The following DDX10 variants were observed in gnomAD, a reference collection of about 807,000 sequenced individuals.
DDX10 encodes the protein probable ATP-dependent RNA helicase DDX10.
Under a neutral mutation model 104.3 loss-of-function variants are expected in DDX10, and 74 were observed. That is an observed-to-expected ratio of 0.71 (90% CI 0.59 to 0.86). DDX10 has a LOEUF of 0.86. Among genes scored for constraint, DDX10 ranks in the 40% least tolerant of loss-of-function variants. The pLI, the probability that DDX10 is intolerant of heterozygous loss-of-function variation, is 0.00. For synonymous variants in DDX10, 351 were observed against 353.4 expected, an observed-to-expected ratio of 0.99 and a Z score of 0.08; for missense variants, 952 against 1,040.0, an observed-to-expected ratio of 0.92 and a Z score of 1.16.
At chr11:108,763,275 C>T (rs908006637) in intron 13 of DDX10, among the ~76,000 whole-genome samples, 14 of 152,100 alleles carry the variant, frequency 9.2e-5, no homozygotes, top group African/African-American at 2.9e-4. Context: ...AGCAGGATGC[C>T]ATTGCTGTCT....
At chr11:108,878,530 A>G (rs1863182800) in intron 16 of DDX10, among the ~76,000 whole-genome samples, 1 of 152,114 alleles carries the variant, frequency 6.6e-6, no homozygotes, top group Non-Finnish European at 1.5e-5. Flanking sequence ...TCCTTTTGAA[A>G]TTAAATTATG....
chr11:108,806,275 T>A (rs529902325), intron 13 of DDX10, among the ~76,000 whole-genome samples: 1 of 152,278 alleles, frequency 6.6e-6, no homozygotes, highest in African/African-American at 2.4e-5. Flanking sequence ...AACTTTTCTA[T>A]TAAGAGCAAT....
At chr11:108,905,499 A>G (rs1293542540) in intron 16 of DDX10, among the ~76,000 whole-genome samples, 1 of 151,970 alleles carries the variant, frequency 6.6e-6, no homozygotes, top group Non-Finnish European at 1.5e-5. Context: ...TTTGTGGTTC[A>G]CTTCTATGGG....
intron 13 of DDX10, among the ~76,000 whole-genome samples, chr11:108,766,689 T>G (rs2094356773): frequency 6.6e-6 from 1 of 152,196 alleles, no homozygotes; most frequent in Non-Finnish European, 1.5e-5. Flanking sequence ...GAGATTAAAT[T>G]TTAATAAGCC....
At chr11:108,764,503 A>G (rs1262278058) in intron 13 of DDX10, among the ~76,000 whole-genome samples, 2 of 152,158 alleles carry the variant, frequency 1.3e-5, no homozygotes, top group Admixed American at 1.3e-4. Context: ...CCCCGTCTCT[A>G]CTAAAAATAC....
rs150758293 is a variant in DDX10, at chr11:108,933,248, A to G, written c.2451-6998A>G. On this transcript the variant is annotated intron_variant, in intron 17 of 17. Coordinates refer to ENST00000322536, the MANE Select transcript of DDX10 (RefSeq NM_004398.4). Reference sequence around the variant, plus strand: ...AACAGATTCCACAGGATTATTACTGAAGGCAAGCCTGCGGGATGGGAAATT... The same window carrying G: ...AACAGATTCCACAGGATTATTACTGGAGGCAAGCCTGCGGGATGGGAAATT... Among the ~76,000 whole-genome samples, 116 of 152,078 alleles carry G rather than the reference A, an allele frequency of 7.6e-4. 2 individuals are homozygous for G. The highest frequency in any genetic ancestry group is 2.8e-3 in the African/African-American group (114 of 41,348).
intron 6 of DDX10, among the ~76,000 whole-genome samples, chr11:108,685,735 C>T (rs1277621345): frequency 4.6e-5 from 7 of 152,194 alleles, no homozygotes; most frequent in Non-Finnish European, 7.3e-5. Context: ...TATTAAGCCT[C>T]ATTTAAAAAA....
intron 16 of DDX10, among the ~76,000 whole-genome samples, chr11:108,872,436 G>A (rs187469961): frequency 6.6e-4 from 100 of 152,292 alleles, no homozygotes; most frequent in African/African-American, 2.4e-3. Flanking sequence ...CTTGAAATTA[G>A]CACTTATGTA....
intron 9 of DDX10, among the ~76,000 whole-genome samples, chr11:108,702,880 C>T (rs187968783): frequency 6.1e-4 from 93 of 152,310 alleles, no homozygotes; most frequent in African/African-American, 2.2e-3. Flanking sequence ...CTCAGAAATA[C>T]TATTTTGTAT....
intron 10 of DDX10, among the ~76,000 whole-genome samples, chr11:108,710,530 C>G (rs1161276135): frequency 6.6e-6 from 1 of 151,934 alleles, no homozygotes; most frequent in African/African-American, 2.4e-5. Flanking sequence ...CACATCGTCC[C>G]ACTAGAAGGC....
intron 16 of DDX10, among the ~76,000 whole-genome samples, chr11:108,872,420 C>G (rs1194848290): frequency 6.6e-6 from 1 of 152,220 alleles, no homozygotes; most frequent in South Asian, 2.1e-4. Context: ...AAACAGCCCT[C>G]ATTCCCTTGA....
chr11:108,888,170 T>C (rs1291249410), intron 16 of DDX10, among the ~76,000 whole-genome samples: 1 of 152,088 alleles, frequency 6.6e-6, no homozygotes, highest in Non-Finnish European at 1.5e-5. Flanking sequence ...AATAAAGATA[T>C]CAAACCATTT....
chr11:108,845,209 A>AAAACAAACAAAC (rs36193704), intron 15 of DDX10, among the ~76,000 whole-genome samples: 109 of 151,894 alleles, frequency 7.2e-4, no homozygotes, highest in African/African-American at 2.5e-3. Context: ...CTCTGTCTCA[A>AAAACAAACAAAC]AAACAAACAA....
chr11:108,688,508 A>AT (rs958988276), intron 6 of DDX10, among the ~76,000 whole-genome samples: 11 of 152,010 alleles, frequency 7.2e-5, no homozygotes, highest in Admixed American at 3.3e-4. Flanking sequence ...ATTTGAACAG[A>AT]TTTTTTTTCT....
intron 13 of DDX10, among the ~76,000 whole-genome samples, chr11:108,782,568 T>C (rs1177439734): frequency 6.6e-6 from 1 of 152,200 alleles, no homozygotes; most frequent in African/African-American, 2.4e-5. Context: ...ATTTGTGTAA[T>C]ACTTAGCAAT....
At chr11:108,707,971 A>T (rs2094278792) in intron 10 of DDX10, among the ~76,000 whole-genome samples, 1 of 152,194 alleles carries the variant, frequency 6.6e-6, no homozygotes, top group East Asian at 1.9e-4. Context: ...GTTTTTGTGT[A>T]GACCTAAGTT....
intron 16 of DDX10, among the ~76,000 whole-genome samples, chr11:108,881,061 C>A (rs983669000): frequency 2.4e-4 from 37 of 152,142 alleles, no homozygotes; most frequent in Admixed American, 7.2e-4. Context: ...TCTCCTTAAT[C>A]ATTTTTAAAA....
chr11:108,706,974 T>G (rs1200226740), intron 10 of DDX10, 137 bp downstream of exon 10: 4 of 685,864 alleles, frequency 5.8e-6, no homozygotes, highest in Non-Finnish European at 1.0e-5. Flanking sequence ...AGGCTCTTTT[T>G]AGAACAGTTT....
intron 17 of DDX10, among the ~76,000 whole-genome samples, chr11:108,934,646 A>G (rs1038840645): frequency 1.3e-5 from 2 of 152,210 alleles, no homozygotes; most frequent in Admixed American, 1.3e-4. Flanking sequence ...TTAAATTTAG[A>G]TGATTGCTGA....
Sources: allele counts gnomAD v4.1 joint callset (sites outside exome capture counted in the v4.1 genomes callset), GRCh38; gene constraint gnomAD v4.1.1; transcripts MANE v1.5; gene names NCBI Gene and HGNC (gene_info 2026-07-23, HGNC 2026-07-21).